The following CPNE5 variants were observed in gnomAD, a reference collection of about 807,000 sequenced individuals.
The protein encoded by CPNE5 is copine-5.
CPNE5 carries 42 observed loss-of-function variants against 81.1 expected under a neutral mutation model. The observed-to-expected ratio is 0.52, with a 90% confidence interval of 0.40 to 0.67. The LOEUF (loss-of-function observed/expected upper bound fraction) is 0.67, where lower values mean the gene tolerates loss of function less well. Among genes scored for constraint, CPNE5 ranks in the 30% least tolerant of loss-of-function variants. The probability of loss-of-function intolerance (pLI) is 0.00; values close to 1 mark genes in which losing one functional copy is unlikely to be tolerated. For missense variants in CPNE5, 612 were observed against 815.5 expected (o/e 0.75, Z 3.04); for synonymous variants, 313 against 321.5 (o/e 0.97, Z 0.28).
chr6:36,798,467 A>C lies in CPNE5; in HGVS notation c.315T>G (p.Asp105Glu). The change falls in exon 5 of 21, where the codon GAT becomes GAG. Residue 105 changes from aspartate to glutamate, a missense_variant. Asp to Glu is a conservative substitution (Grantham distance 45). Coordinates refer to ENST00000244751, the MANE Select transcript of CPNE5 (RefSeq NM_020939.2). ...DLYDVDSKSP[D>E]LSKHDFLGQA... ...TGGCAGAACTCACGTGTTTGGATAA[A>C]TCAGGACTCTTAGAGTCAACGTCGT... is the stretch of plus-strand genomic sequence containing the variant. 6.2e-7 allele frequency: 1 copy of C among 1,614,150 alleles called. No individual in the cohort carries two copies. Among genetic ancestry groups the C allele is most frequent in the South Asian group, 1.1e-5 (1 of 91,082 alleles).
chr6:36,792,026 C>A lies in CPNE5; in HGVS notation c.528+7G>T, dbSNP rs770032370. On this transcript the variant is annotated splice_region_variant and intron_variant, in intron 8 of 20. Transcript: ENST00000244751. ...CACGTCCTGTGCTGGAGTCCTCTGC[C>A]ACTCACCCTACAGTTGCTGAGCTCC... is the stretch of plus-strand genomic sequence containing the variant. 2 of 1,613,662 alleles carry A rather than the reference C, an allele frequency of 1.2e-6. No homozygotes were observed. The highest frequency in any genetic ancestry group is 1.7e-6 in the Non-Finnish European group (2 of 1,179,572).
chr6:36,772,800 C>T (rs1324064283), intron 10 of CPNE5, among the ~76,000 whole-genome samples: 1 of 152,222 alleles, frequency 6.6e-6, no homozygotes, highest in Non-Finnish European at 1.5e-5. Context: ...AGGCTCCCAG[C>T]TGCCCCAAGG....
chr6:36,778,815 C>T (rs41272186), intron 9 of CPNE5, 39 bp downstream of exon 9: 179 of 1,386,712 alleles, frequency 1.3e-4, no homozygotes, highest in Non-Finnish European at 1.6e-4. Context: ...CCAGAAGGGA[C>T]GAGAAGGTGC....
upstream of CPNE5, chr6:36,839,553 G>C (rs1479666419): frequency 1.5e-5 from 8 of 517,782 alleles, no homozygotes; most frequent in Admixed American, 3.7e-5. This position sits in a 1 kb window ranked among gnomAD's most constrained non-coding sequence, Gnocchi z 7.3. Context: ...AGGGCGGAGG[G>C]AGCGGGGGCC....
At chr6:36,810,564 G>C (rs1350540980) in intron 3 of CPNE5, among the ~76,000 whole-genome samples, 11 of 152,226 alleles carry the variant, frequency 7.2e-5, no homozygotes, top group Non-Finnish European at 1.3e-4. Context: ...GCTGGGAAGA[G>C]TGGCCTGAGA....
At chr6:36,809,833 T>A (rs1043873425) in intron 3 of CPNE5, among the ~76,000 whole-genome samples, 2 of 151,768 alleles carry the variant, frequency 1.3e-5, no homozygotes, top group African/African-American at 2.4e-5. Flanking sequence ...CCCAGAAGCC[T>A]GTGGACATCC....
upstream of CPNE5, chr6:36,839,595 C>T (rs1773847007): frequency 2.8e-6 from 1 of 360,610 alleles, no homozygotes; most frequent in Non-Finnish European, 5.0e-6. This position sits in a 1 kb window ranked among gnomAD's most constrained non-coding sequence, Gnocchi z 7.3. Flanking sequence ...GGTGACGCCG[C>T]GAGGAGGCTA....
chr6:36,782,401 G>A (rs1768105947), intron 8 of CPNE5, among the ~76,000 whole-genome samples: 1 of 152,150 alleles, frequency 6.6e-6, no homozygotes, highest in African/African-American at 2.4e-5. Flanking sequence ...GATCAGGAAT[G>A]GGGGAGAAAT....
intron 3 of CPNE5, among the ~76,000 whole-genome samples, chr6:36,816,857 C>A (rs1771588622): frequency 6.6e-6 from 1 of 152,188 alleles, no homozygotes; most frequent in Non-Finnish European, 1.5e-5. Context: ...AGGATCACTG[C>A]AACCTCTGTC....
At chr6:36,751,106 T>C (rs1764769769) in intron 14 of CPNE5, among the ~76,000 whole-genome samples, 1 of 152,202 alleles carries the variant, frequency 6.6e-6, no homozygotes, top group South Asian at 2.1e-4. Flanking sequence ...TGCCTGGGCA[T>C]GCATGCCAGG....
intron 10 of CPNE5, 66 bp downstream of exon 10, chr6:36,774,895 C>G: frequency 8.0e-7 from 1 of 1,253,826 alleles, no homozygotes; most frequent in Non-Finnish European, 1.2e-6. Flanking sequence ...ATGGGGCCAC[C>G]CTCACTTGTG....
chr6:36,806,902 GC>G (rs1770646894), intron 3 of CPNE5, among the ~76,000 whole-genome samples: 1 of 152,236 alleles, frequency 6.6e-6, no homozygotes. Flanking sequence ...GCTCTCAGGG[GC>G]CATGGCCCCC....
At chr6:36,823,135 A>T in intron 1 of CPNE5, 37 bp from the exon 2 acceptor site, 1 of 1,503,792 alleles carries the variant, frequency 6.6e-7, no homozygotes, top group South Asian at 1.4e-5. Flanking sequence ...TAGCACGGCC[A>T]GCTGAGAGGA....
chr6:36,799,952 C>A lies in CPNE5; in HGVS notation c.287+15G>T. On this transcript the variant is annotated intron_variant, in intron 4 of 20. Coordinates refer to ENST00000244751, the MANE Select transcript of CPNE5 (RefSeq NM_020939.2). The stretch of plus-strand genomic sequence containing the variant: ...TCCCCACCTGGCTGCATCTTCAGCA[C>A]CATCTTCCACTTACAGATCAAAACG... 6.3e-7 allele frequency: 1 copy of A among 1,583,478 alleles called. No homozygotes were observed. Among genetic ancestry groups the A allele is most frequent in the Non-Finnish European group, 8.7e-7 (1 of 1,152,274 alleles).
In CPNE5 at chr6:36,766,734, C is replaced by T. The variant is rs537349307; in HGVS notation, c.738-1358G>A. Among the ~76,000 whole-genome samples, 3 of 152,188 alleles carry T rather than the reference C, an allele frequency of 2.0e-5. No homozygotes were observed. Among genetic ancestry groups the T allele is most frequent in the Non-Finnish European group, 2.9e-5 (2 of 68,042 alleles). ...CCACCATTGAAAGGAGAAGTAATAA[C>T]GGCCTTGCAGAACAGCTGCAAGAAC... On this transcript the variant is annotated intron_variant, in intron 10 of 20. Transcript: ENST00000244751. The surrounding 1 kb of genome is among the most constrained non-coding windows in gnomAD (Gnocchi z 4.2).
At chr6:36,828,049 T>C (rs1176203519) in intron 1 of CPNE5, among the ~76,000 whole-genome samples, 2 of 151,844 alleles carry the variant, frequency 1.3e-5, no homozygotes, top group African/African-American at 2.4e-5. Flanking sequence ...TGGTCATTCA[T>C]TGGGCTGTGA....
intron 9 of CPNE5, among the ~76,000 whole-genome samples, chr6:36,777,381 G>A (rs1767605748): frequency 1.3e-5 from 2 of 151,748 alleles, no homozygotes; most frequent in African/African-American, 4.8e-5. Flanking sequence ...CCTACACAGC[G>A]CTCTGCTAGA....
intron 3 of CPNE5, among the ~76,000 whole-genome samples, chr6:36,806,951 C>T (rs1432174419): frequency 6.6e-6 from 1 of 152,274 alleles, no homozygotes; most frequent in African/African-American, 2.4e-5. Flanking sequence ...AAGTGGCCAT[C>T]CTGGCCCCAT....
intron 9 of CPNE5, among the ~76,000 whole-genome samples, chr6:36,776,413 C>A (rs955231040): frequency 6.6e-6 from 1 of 152,186 alleles, no homozygotes; most frequent in African/African-American, 2.4e-5. Context: ...GGAGACCTCC[C>A]CACACACCTC....
Sources: gnomAD v4.1 joint callset for allele counts (sites outside exome capture counted in the v4.1 genomes callset) on GRCh38, gnomAD v4.1.1 for gene constraint, Gnocchi (gnomAD v3.1) non-coding constraint, MANE v1.5 for transcripts, NCBI Gene and HGNC (gene_info 2026-07-23, HGNC 2026-07-21) for gene names.